Variants in NAALADL2 observed in about 807,000 individuals in gnomAD.
NAALADL2 encodes N-acetylated alpha-linked acidic dipeptidase like 2.
NAALADL2 carries 76 observed loss-of-function variants against 87.2 expected under a neutral mutation model. That is an observed-to-expected ratio of 0.87 (90% CI 0.72 to 1.05). The LOEUF is 1.05. NAALADL2 is among the 50% of genes least tolerant of loss of function. The probability of loss-of-function intolerance (pLI) is 0.00; values close to 1 mark genes in which losing one functional copy is unlikely to be tolerated. For missense variants in NAALADL2, 1,089 were observed against 945.8 expected (o/e 1.15, Z -1.99); for synonymous variants, 354 against 331.0 (o/e 1.07, Z -0.75).
At chr3:175,186,564 T>C (rs1307026424) in intron 2 of NAALADL2, among the ~76,000 whole-genome samples, 1 of 152,150 alleles carries the variant, frequency 6.6e-6, no homozygotes, top group South Asian at 2.1e-4. Context: ...TAGAAAGAGA[T>C]AAAGAGATTT....
At chr3:175,778,820 G>A (rs548764859) in intron 13 of NAALADL2, among the ~76,000 whole-genome samples, 9 of 152,216 alleles carry the variant, frequency 5.9e-5, no homozygotes, top group African/African-American at 1.7e-4. Context: ...TCTTGTACGG[G>A]TAAGGGAGGC....
intron 2 of NAALADL2, among the ~76,000 whole-genome samples, chr3:175,117,115 G>A (rs987964078): frequency 6.6e-6 from 1 of 152,092 alleles, no homozygotes; most frequent in African/African-American, 2.4e-5. Context: ...ATTAATTCAA[G>A]ATGAACTAAA....
intron 2 of NAALADL2, among the ~76,000 whole-genome samples, chr3:174,602,094 T>TTAGG (rs1718511466): frequency 6.6e-6 from 1 of 152,036 alleles, no homozygotes; most frequent in Non-Finnish European, 1.5e-5. Context: ...TAGCTTTGGC[T>TTAGG]ATTCTGAGTA....
At chr3:174,492,654 G>T (rs1221284073) in intron 1 of NAALADL2, among the ~76,000 whole-genome samples, 1 of 152,160 alleles carries the variant, frequency 6.6e-6, no homozygotes, top group Non-Finnish European at 1.5e-5. Flanking sequence ...GTTTTCAGCT[G>T]TGTAAACATT....
At chr3:174,785,142 T>A (rs1250068144) in intron 3 of NAALADL2, among the ~76,000 whole-genome samples, 1 of 152,206 alleles carries the variant, frequency 6.6e-6, no homozygotes, top group Non-Finnish European at 1.5e-5. Context: ...GTCAGCACAG[T>A]GTACAACAGT....
intron 3 of NAALADL2, among the ~76,000 whole-genome samples, chr3:174,851,651 G>T (rs1725281983): frequency 6.6e-6 from 1 of 151,916 alleles, no homozygotes; most frequent in South Asian, 2.1e-4. Flanking sequence ...GAAAAGCCAA[G>T]GACCTAATTG....
intron 2 of NAALADL2, among the ~76,000 whole-genome samples, chr3:175,183,802 T>C (rs1339526833): frequency 6.6e-6 from 1 of 152,134 alleles, no homozygotes; most frequent in African/African-American, 2.4e-5. Context: ...TTTTCCAAGC[T>C]AAGAAGCTTC....
intron 3 of NAALADL2, among the ~76,000 whole-genome samples, chr3:174,842,236 A>G (rs1724108499): frequency 6.6e-6 from 1 of 151,984 alleles, no homozygotes; most frequent in Non-Finnish European, 1.5e-5. Context: ...TGTTTAGTAG[A>G]GACAGGGTTT....
At chr3:175,421,654 G>A (rs149441131) in intron 5 of NAALADL2, among the ~76,000 whole-genome samples, 151 of 152,138 alleles carry the variant, frequency 9.9e-4, no homozygotes, top group Non-Finnish European at 1.4e-3. Flanking sequence ...CTTTGGGATA[G>A]CCATACTTTT....
chr3:175,338,614 ACACC>A (rs1762250690), intron 5 of NAALADL2, among the ~76,000 whole-genome samples: 6 of 99,734 alleles, frequency 6.0e-5, no homozygotes, highest in Non-Finnish European at 8.2e-5. Context: ...AAAAAAAAAA[ACACC>A]ACAAACACAC....
intron 11 of NAALADL2, among the ~76,000 whole-genome samples, chr3:175,631,472 T>C (rs1384491622): frequency 6.6e-6 from 1 of 151,216 alleles, no homozygotes; most frequent in Non-Finnish European, 1.5e-5. Context: ...TTTTACAAAG[T>C]TTGAATTTGT....
chr3:174,719,725 T>C (rs1034123624), intron 2 of NAALADL2, among the ~76,000 whole-genome samples: 2 of 152,224 alleles, frequency 1.3e-5, no homozygotes, highest in African/African-American at 4.8e-5. Context: ...GAAGCAATAT[T>C]ACATTTAGAC....
intron 1 of NAALADL2, among the ~76,000 whole-genome samples, chr3:174,457,062 C>CA (rs1380725419): frequency 6.6e-6 from 1 of 151,910 alleles, no homozygotes; most frequent in Non-Finnish European, 1.5e-5. Context: ...AAACACTTTT[C>CA]AAAAGATAGG....
intron 1 of NAALADL2, among the ~76,000 whole-genome samples, chr3:175,003,628 T>G (rs1348325391): frequency 6.6e-6 from 1 of 152,124 alleles, no homozygotes; most frequent in Non-Finnish European, 1.5e-5. Context: ...TCTGATCTCA[T>G]TACATATGAA....
At chr3:174,829,804 C>T (rs1229823731) in intron 3 of NAALADL2, among the ~76,000 whole-genome samples, 2 of 138,994 alleles carry the variant, frequency 1.4e-5, no homozygotes, top group East Asian at 4.1e-4. Context: ...TAATGATCGC[C>T]ATTCTAACTG....
rs1437475733 is a variant in NAALADL2, at chr3:175,308,137, T to A, written c.940-16038T>A. 1.3e-5 allele frequency among the ~76,000 whole-genome samples: 2 copies of A among 152,216 alleles called. 1 individual carries two copies. The highest frequency in any genetic ancestry group is 4.1e-4 in the South Asian group (2 of 4,828). ...TTTTTACAGAGAAAACCATTTTTTT[T>A]ATGAAAGAAGAGAGACATAATTTCC... On this transcript the variant is annotated intron_variant, in intron 4 of 13. Coordinates refer to ENST00000454872, the MANE Select transcript of NAALADL2 (RefSeq NM_207015.3).
At chr3:175,618,099 G>A (rs66620194) in intron 10 of NAALADL2, among the ~76,000 whole-genome samples, 27,563 of 152,038 alleles carry the variant, frequency 0.18, 2,662 homozygotes, top group African/African-American at 0.25. Context: ...AGTAGTCAGG[G>A]TTTGATTCAA....
intron 1 of NAALADL2, among the ~76,000 whole-genome samples, chr3:175,004,376 C>CAAA (rs538715061): frequency 0.011 from 368 of 33,806 alleles, 23 homozygotes; most frequent in African/African-American, 0.02. Flanking sequence ...GAGACTATTT[C>CAAA]AAAAAAAAAA....
At chr3:174,953,638 C>A (rs1018085686) in intron 1 of NAALADL2, among the ~76,000 whole-genome samples, 3 of 151,762 alleles carry the variant, frequency 2.0e-5, no homozygotes, top group African/African-American at 7.3e-5. Context: ...ATAGTTGATG[C>A]ACGGTGTCTA....
Sources: gnomAD v4.1 joint callset for allele counts (sites outside exome capture counted in the v4.1 genomes callset) on GRCh38, gnomAD v4.1.1 for gene constraint, MANE v1.5 for transcripts, NCBI Gene and HGNC (gene_info 2026-07-23, HGNC 2026-07-21) for gene names.